DCC: variants seen among roughly 807,000 people sequenced by gnomAD.
DCC encodes DCC netrin 1 receptor.
In DCC, 58 loss-of-function variants were observed where a neutral mutation model predicts 172.5. The ratio of observed to expected loss-of-function variants is 0.34; its 90% CI spans 0.27 to 0.42. The LOEUF is 0.42. Among genes scored for constraint, DCC ranks in the 10% least tolerant of loss-of-function variants. The pLI is 1.00. For synonymous variants in DCC, 709 were observed against 644.5 expected (o/e 1.10, Z -1.52); for missense variants, 1,740 against 1,791.0 (o/e 0.97, Z 0.51).
intron 1 of DCC, among the ~76,000 whole-genome samples, chr18:52,749,009 C>T (rs1213129349): frequency 2.0e-5 from 3 of 152,048 alleles, no homozygotes; most frequent in Non-Finnish European, 4.4e-5. Flanking sequence ...CCAGCCTGGC[C>T]AAATATGGCC....
At chr18:52,341,955 G>A (rs1983655608) in intron 1 of DCC, among the ~76,000 whole-genome samples, 1 of 152,182 alleles carries the variant, frequency 6.6e-6, no homozygotes, top group South Asian at 2.1e-4. Context: ...CGGGCGTTGA[G>A]TAGGAGCTCC....
chr18:52,604,429 A>G (rs1044211434), intron 1 of DCC, among the ~76,000 whole-genome samples: 1 of 152,170 alleles, frequency 6.6e-6, no homozygotes, highest in Non-Finnish European at 1.5e-5. Context: ...CCTCCCAGTA[A>G]TAAGTCTGAA....
chr18:53,180,833 G>A (rs1044298017), intron 9 of DCC, among the ~76,000 whole-genome samples: 1 of 151,914 alleles, frequency 6.6e-6, no homozygotes, highest in Non-Finnish European at 1.5e-5. Flanking sequence ...GGCTGGTCTC[G>A]AACTCCTGAC....
chr18:53,148,842 A>G (rs1246139549), intron 7 of DCC, among the ~76,000 whole-genome samples: 1 of 139,246 alleles, frequency 7.2e-6, no homozygotes, highest in Non-Finnish European at 1.6e-5. Flanking sequence ...CAGACTCAAA[A>G]CTAGCTCAGA....
intron 3 of DCC, among the ~76,000 whole-genome samples, chr18:52,907,307 C>CATATGGATATATACATGTGT (rs1555680326): frequency 9.9e-6 from 1 of 101,516 alleles, no homozygotes; most frequent in Non-Finnish European, 2.0e-5. Context: ...TGGATATATA[C>CATATGGATATATACATGTGT]ATATGTATAT....
At chr18:52,476,706 G>A (rs1598848701) in intron 1 of DCC, among the ~76,000 whole-genome samples, 1 of 152,130 alleles carries the variant, frequency 6.6e-6, no homozygotes, top group African/African-American at 2.4e-5. Context: ...GTCACTGTCT[G>A]CAATAGTCAG....
chr18:52,564,895 G>A (rs2033124001), intron 1 of DCC, among the ~76,000 whole-genome samples: 1 of 152,038 alleles, frequency 6.6e-6, no homozygotes, highest in Admixed American at 6.6e-5. Flanking sequence ...ATCAAAATGG[G>A]TACCTAGAGT....
At chr18:53,109,617 C>T (rs1305511024) in intron 7 of DCC, among the ~76,000 whole-genome samples, 1 of 139,390 alleles carries the variant, frequency 7.2e-6, no homozygotes, top group Non-Finnish European at 1.6e-5. Flanking sequence ...TCCTTCTTTC[C>T]TTAGCTGGTT....
chr18:52,826,694 C>T (rs1397753350), intron 2 of DCC, among the ~76,000 whole-genome samples: 2 of 151,986 alleles, frequency 1.3e-5, no homozygotes, highest in Non-Finnish European at 2.9e-5. Context: ...GCCCAGGCTA[C>T]TCTCGAACTC....
intron 1 of DCC, among the ~76,000 whole-genome samples, chr18:52,385,240 C>G (rs1985747303): frequency 6.6e-6 from 1 of 152,086 alleles, no homozygotes; most frequent in African/African-American, 2.4e-5. Flanking sequence ...AAATAGCCAG[C>G]AAGGCTTCAT....
At chr18:53,467,157 G>A (rs1401939151) in intron 24 of DCC, among the ~76,000 whole-genome samples, 2 of 151,752 alleles carry the variant, frequency 1.3e-5, no homozygotes, top group South Asian at 2.1e-4. Flanking sequence ...CATAGATATA[G>A]GTGTGTACTT....
intron 2 of DCC, among the ~76,000 whole-genome samples, chr18:52,769,225 T>G (rs968093626): frequency 6.6e-6 from 1 of 152,250 alleles, no homozygotes; most frequent in Non-Finnish European, 1.5e-5. Context: ...TTGCTCCACA[T>G]AACCTTCATC....
At chr18:52,761,883 TG>T (rs2037165337) in intron 2 of DCC, among the ~76,000 whole-genome samples, 1 of 125,972 alleles carries the variant, frequency 7.9e-6, no homozygotes, top group Admixed American at 9.8e-5. Flanking sequence ...CAGTCTGGCC[TG>T]GGTGAAAGAG....
chr18:53,440,489 T>C (rs1456356327), intron 22 of DCC, among the ~76,000 whole-genome samples: 4 of 132,032 alleles, frequency 3.0e-5, no homozygotes, highest in African/African-American at 1.0e-4. Flanking sequence ...CTCTCTATTT[T>C]TGCAAACCTG....
intron 25 of DCC, among the ~76,000 whole-genome samples, chr18:53,472,391 A>T (rs1948783): frequency 0.35 from 53,395 of 151,994 alleles, 10,098 homozygotes; most frequent in East Asian, 0.54. Context: ...ATTGTCCTTT[A>T]TCTTTTATAC....
chr18:52,692,348 T>C (rs1018245517), intron 1 of DCC, among the ~76,000 whole-genome samples: 12 of 152,166 alleles, frequency 7.9e-5, no homozygotes, highest in African/African-American at 2.4e-4. Flanking sequence ...CTCACCAGAT[T>C]AGTACCTCCT....
At chr18:53,065,977 C>T (rs1230694987) in intron 6 of DCC, 69 bp from the exon 7 acceptor site, 1 of 1,595,024 alleles carries the variant, frequency 6.3e-7, no homozygotes, top group African/African-American at 1.3e-5. Context: ...TTGGTCTCAT[C>T]TAAGTTCATT....
intron 7 of DCC, among the ~76,000 whole-genome samples, chr18:53,137,227 C>T (rs1007424471): frequency 6.6e-6 from 1 of 152,204 alleles, no homozygotes; most frequent in African/African-American, 2.4e-5. Flanking sequence ...TCCCCAGGCT[C>T]CAATCCAGGT....
chr18:53,504,355 A>G (rs2046142473), intron 27 of DCC, among the ~76,000 whole-genome samples: 1 of 152,156 alleles, frequency 6.6e-6, no homozygotes, highest in Non-Finnish European at 1.5e-5. Flanking sequence ...GTGACACAAG[A>G]CGGTCATTTT....
Sources: allele counts gnomAD v4.1 joint callset (sites outside exome capture counted in the v4.1 genomes callset), GRCh38; gene constraint gnomAD v4.1.1; transcripts MANE v1.5; gene names NCBI Gene and HGNC (gene_info 2026-07-23, HGNC 2026-07-21).